The following KMT2E variants were observed in gnomAD, a reference collection of about 807,000 sequenced individuals.
KMT2E encodes histone reader KMT2E.
In KMT2E, 30 loss-of-function variants were observed where a neutral mutation model predicts 184.6. The observed-to-expected ratio is 0.16, with a 90% CI of 0.12 to 0.22. KMT2E has a LOEUF of 0.22. KMT2E is among the 10% of genes least tolerant of loss of function. The pLI is 1.00. For missense variants in KMT2E, 2,023 were observed against 2,237.4 expected (o/e 0.90, Z 1.93); for synonymous variants, 815 against 776.5 (o/e 1.05, Z -0.82).
intron 6 of KMT2E, among the ~76,000 whole-genome samples, chr7:105,071,752 C>T (rs1381866740): frequency 2.7e-5 from 4 of 150,222 alleles, no homozygotes; most frequent in Admixed American, 6.6e-5. Flanking sequence ...CCACCACGCC[C>T]GGCCTGCAGT....
intron 3 of KMT2E, among the ~76,000 whole-genome samples, chr7:105,059,444 T>C (rs1796701951): frequency 6.6e-6 from 1 of 152,214 alleles, no homozygotes. Flanking sequence ...TTTGGTAGTA[T>C]CAGTTTTATG....
chr7:105,110,798 C>G lies in KMT2E; in HGVS notation c.3998C>G (p.Thr1333Arg), dbSNP rs148593590. The change falls in exon 26 of 27, where the codon ACA (threonine) becomes AGA (arginine). Residue 1333 changes from threonine (T) to arginine (R), a missense_variant. This residue lies in a region of KMT2E where 1,108 missense variants were observed against 1,050.9 expected (regional missense o/e 1.05). Transcript: ENST00000311117. The part of the protein sequence containing the change: ...EDPDPENPEP[T>R]TTNECPSPDT... ...CCTGATCCTGAAAATCCAGAACCCA[C>G]AACTACGAATGAATGTCCATCCCCA... The G allele has an allele frequency of 6.2e-7, 1 of 1,613,974 alleles. No individual in the cohort carries two copies. Among genetic ancestry groups the G allele is most frequent in the East Asian group, 2.2e-5 (1 of 44,876 alleles).
At chr7:105,053,525 G>T (rs1268682109) in intron 3 of KMT2E, among the ~76,000 whole-genome samples, 1 of 152,068 alleles carries the variant, frequency 6.6e-6, no homozygotes, top group East Asian at 1.9e-4. Flanking sequence ...TCTATATAAA[G>T]ATTGCTTTTC....
At chr7:105,061,325 A>C (rs1796804175) in intron 3 of KMT2E, among the ~76,000 whole-genome samples, 1 of 152,172 alleles carries the variant, frequency 6.6e-6, no homozygotes, top group African/African-American at 2.4e-5. Flanking sequence ...TGTCATGAAA[A>C]ATTTTTCAAG....
Position 105,090,024 on chromosome 7 carries a change from C to G in KMT2E, c.1374C>G (p.Asp458Glu). 1 of 1,610,658 alleles carries G rather than the reference C, an allele frequency of 6.2e-7. No individual in the cohort carries two copies. The highest frequency in any genetic ancestry group is 8.5e-7 in the Non-Finnish European group (1 of 1,178,734). Reference protein sequence around the residue: ...FDYGNCKYKVDCACLKENPEC... With the variant: ...FDYGNCKYKVECACLKENPEC... ...ATCTTTCCAGTAAGTACAAGGTGGA[C>G]TGTGCATGCCTCAAAGAAAACCCAG... Residue 458 changes from aspartate (D) to glutamate (E), a missense_variant, in exon 14 of 27, where the codon GAC becomes GAG. Physicochemically the swap from Asp to Glu is conservative, Grantham distance 45 (BLOSUM62 2). Coordinates refer to ENST00000311117, the MANE Select transcript of KMT2E (RefSeq NM_182931.3).
chr7:105,025,260 TG>T (rs1388530542), intron 1 of KMT2E, among the ~76,000 whole-genome samples: 1 of 152,168 alleles, frequency 6.6e-6, no homozygotes, highest in Admixed American at 6.5e-5. Context: ...TCTACCTCTT[TG>T]TGCTTTTGTT....
At chr7:105,037,913 T>C (rs960783646) in intron 1 of KMT2E, among the ~76,000 whole-genome samples, 2 of 152,232 alleles carry the variant, frequency 1.3e-5, no homozygotes, top group Admixed American at 6.5e-5. Context: ...CCAGTGTTTC[T>C]TTTTCCAGTT....
chr7:105,058,977 A>T (rs1165200130), intron 3 of KMT2E, among the ~76,000 whole-genome samples: 1 of 152,188 alleles, frequency 6.6e-6, no homozygotes, highest in South Asian at 2.1e-4. Flanking sequence ...CCACTATATA[A>T]GCTCTTCACT....
intron 1 of KMT2E, among the ~76,000 whole-genome samples, chr7:105,020,225 G>A (rs10224526): frequency 0.27 from 40,974 of 151,998 alleles, 8,074 homozygotes; most frequent in East Asian, 0.58. Context: ...CTTGGTTGCA[G>A]CATTTAAGGT....
rs1236957628 is a variant in KMT2E at position 105,073,680 on chromosome 7, A to G, written c.556+3A>G. 3 of 1,578,684 alleles carry G rather than the reference A, an allele frequency of 1.9e-6. No homozygotes were observed. The highest frequency in any genetic ancestry group is 2.6e-6 in the Non-Finnish European group (3 of 1,148,142). On this transcript the variant is annotated splice_donor_region_variant and intron_variant, in intron 7 of 26. Transcript: ENST00000311117. ...CCGGAAAAGGGAAAATATGTCAGGT[A>G]GGTAAAAAGGACCTACACTAAATTA... is the stretch of plus-strand genomic sequence containing the variant.
At chr7:105,056,010 T>C (rs1584736989) in intron 3 of KMT2E, among the ~76,000 whole-genome samples, 2 of 152,248 alleles carry the variant, frequency 1.3e-5, no homozygotes, top group East Asian at 1.9e-4. Context: ...AACTATATTA[T>C]TGTAAGTTCC....
chr7:105,111,760 C>G, intron 26 of KMT2E, 65 bp from the exon 27 acceptor site: 1 of 1,514,562 alleles, frequency 6.6e-7, no homozygotes, highest in Non-Finnish European at 8.8e-7. Context: ...TAAATACCAA[C>G]AAGAATAAAC....
At chr7:105,045,729 A>G (rs1184912649) in intron 3 of KMT2E, among the ~76,000 whole-genome samples, 2 of 152,156 alleles carry the variant, frequency 1.3e-5, no homozygotes, top group East Asian at 1.9e-4. Context: ...CCTTTTGGCT[A>G]TTGGAAATAG....
At chr7:105,090,973 T>TACC (rs1798178767) in intron 14 of KMT2E, among the ~76,000 whole-genome samples, 1 of 152,224 alleles carries the variant, frequency 6.6e-6, no homozygotes, top group Non-Finnish European at 1.5e-5. Flanking sequence ...AAGGCCATGC[T>TACC]ACCATATTTG....
At chr7:105,099,532 A>C (rs998838590) in intron 15 of KMT2E, among the ~76,000 whole-genome samples, 7 of 152,242 alleles carry the variant, frequency 4.6e-5, no homozygotes, top group African/African-American at 1.7e-4. Flanking sequence ...TATATCATAT[A>C]GTTTTATCTC....
intron 1 of KMT2E, among the ~76,000 whole-genome samples, chr7:105,029,734 A>G (rs1446818816): frequency 6.6e-6 from 1 of 152,226 alleles, no homozygotes; most frequent in Non-Finnish European, 1.5e-5. Flanking sequence ...TTCACTTTGA[A>G]GGCTTGATTT....
At chr7:105,066,951 G>C in intron 6 of KMT2E, 144 bp downstream of exon 6, 1 of 595,924 alleles carries the variant, frequency 1.7e-6, no homozygotes, top group Non-Finnish European at 3.0e-6. Context: ...CAACTACTTG[G>C]GAGGCTGAGG....
intron 6 of KMT2E, 64 bp from the exon 7 acceptor site, chr7:105,073,555 A>G: frequency 1.0e-6 from 1 of 996,272 alleles, no homozygotes. Context: ...TAAAAAGTTT[A>G]TCACATTTAA....
chr7:105,079,828 T>A (rs1237092844), intron 12 of KMT2E, among the ~76,000 whole-genome samples: 2 of 97,296 alleles, frequency 2.1e-5, no homozygotes, highest in African/African-American at 1.1e-4. Context: ...ACTTTTTAAA[T>A]CATTATTATT....
Sources: allele counts gnomAD v4.1 joint callset (sites outside exome capture counted in the v4.1 genomes callset), GRCh38; gene constraint gnomAD v4.1.1; regional missense constraint gnomAD v4.1.1; transcripts MANE v1.5; gene names NCBI Gene and HGNC (gene_info 2026-07-23, HGNC 2026-07-21).